The following AMD1 variants were observed in gnomAD, a reference collection of about 807,000 sequenced individuals.
The protein encoded by AMD1 is S-adenosylmethionine decarboxylase proenzyme.
Under a neutral mutation model 40.2 loss-of-function variants are expected in AMD1, and 11 were observed. The ratio of observed to expected loss-of-function variants is 0.27; its 90% CI spans 0.17 to 0.45. The LOEUF is 0.45. Ranked by LOEUF, AMD1 falls within the 20% of genes least tolerant of loss-of-function variation. AMD1 has a pLI of 1.00. For synonymous variants in AMD1, 121 were observed against 130.8 expected (o/e 0.93, Z 0.51); for missense variants, 257 against 410.2 (o/e 0.63, Z 3.23).
chr6:110,815,152 T>A, the AMD1 span: 1 of 1,573,244 alleles, frequency 6.4e-7, no homozygotes, highest in Non-Finnish European at 8.6e-7. Flanking sequence ...GCTTCCCCCA[T>A]AGAGGCACGG....
chr6:110,828,135 A>T, the AMD1 span, among the ~76,000 whole-genome samples: 60 of 152,182 alleles, frequency 3.9e-4, no homozygotes, highest in Admixed American at 1.2e-3. Context: ...GGATGATTTT[A>T]AAAAAGAGAG....
chr6:110,840,973 G>A, the AMD1 span, among the ~76,000 whole-genome samples: 1 of 152,256 alleles, frequency 6.6e-6, no homozygotes, highest in South Asian at 2.1e-4. Flanking sequence ...CTTTTATAAT[G>A]TTTCCTTTTA....
intron 1 of AMD1, among the ~76,000 whole-genome samples, chr6:110,884,317 A>G (rs1277895385): frequency 6.6e-6 from 1 of 152,254 alleles, no homozygotes; most frequent in Non-Finnish European, 1.5e-5. Context: ...GCCATCCTAA[A>G]TTAGTCAACA....
the AMD1 span, among the ~76,000 whole-genome samples, chr6:110,839,850 C>A: frequency 6.6e-6 from 1 of 151,954 alleles, no homozygotes; most frequent in Non-Finnish European, 1.5e-5. Flanking sequence ...ATCAAGGAGG[C>A]TATCAGGTTC....
chr6:110,830,304 G>A, the AMD1 span, among the ~76,000 whole-genome samples: 44 of 152,146 alleles, frequency 2.9e-4, no homozygotes, highest in African/African-American at 9.1e-4. Flanking sequence ...ATGAGCCACC[G>A]TGCCCGGCCA....
chr6:110,888,832 ATAT>A (rs1371321931), intron 2 of AMD1, 22 bp from the exon 3 acceptor site: 4 of 1,606,344 alleles, frequency 2.5e-6, no homozygotes, highest in Middle Eastern at 2.2e-4. Flanking sequence ...TATTGTTATA[ATAT>A]TGTGACTTTT....
At chr6:110,890,180 AT>A (rs1174514923) in intron 3 of AMD1, 73 bp from the exon 4 acceptor site, 25 of 1,147,036 alleles carry the variant, frequency 2.2e-5, no homozygotes, top group Non-Finnish European at 3.0e-5. Context: ...ACAATAGTTG[AT>A]TAGCTTCGAA....
the AMD1 span, among the ~76,000 whole-genome samples, chr6:110,833,101 G>A: frequency 2.6e-5 from 4 of 152,122 alleles, no homozygotes; most frequent in African/African-American, 7.2e-5. Flanking sequence ...GATTATAGGC[G>A]TGAGCCACCG....
chr6:110,816,542 A>G, the AMD1 span, among the ~76,000 whole-genome samples: 1 of 152,226 alleles, frequency 6.6e-6, no homozygotes. Flanking sequence ...TACTGCCTAA[A>G]ATAAAGAATA....
chr6:110,874,366 G>A (rs1472241141), upstream of AMD1, among the ~76,000 whole-genome samples: 1 of 152,152 alleles, frequency 6.6e-6, no homozygotes, highest in Non-Finnish European at 1.5e-5. Context: ...AACTGCACAA[G>A]ATCAAAACCA....
intron 2 of AMD1, chr6:110,888,390 C>G (rs925143865): frequency 6.5e-6 from 1 of 153,284 alleles, no homozygotes; most frequent in African/African-American, 2.4e-5. Context: ...CCTCTCACTG[C>G]AACCTCTGCC....
chr6:110,858,662 A>G, the AMD1 span: 1 of 1,141,132 alleles, frequency 8.8e-7, no homozygotes. Context: ...CGGGGTGGAC[A>G]TCGGCCTTAA....
chr6:110,876,665 C>T (rs1785131700), intron 1 of AMD1, among the ~76,000 whole-genome samples: 4 of 151,910 alleles, frequency 2.6e-5, no homozygotes, highest in South Asian at 2.1e-4. Context: ...GCGCTTACTA[C>T]GTGCCAGGCT....
At chr6:110,820,295 G>A in the AMD1 span, among the ~76,000 whole-genome samples, 1 of 150,578 alleles carries the variant, frequency 6.6e-6, no homozygotes, top group South Asian at 2.1e-4. Context: ...GGAGCGCAAT[G>A]GTGCGATCTT....
chr6:110,847,063 G>GTGTGTGGTGTGT, the AMD1 span, among the ~76,000 whole-genome samples: 4 of 143,282 alleles, frequency 2.8e-5, no homozygotes, highest in East Asian at 6.5e-4. Context: ...GTGTGTGTGT[G>GTGTGTGGTGTGT]GTGTGTGTGT....
At chr6:110,857,138 C>T in the AMD1 span, among the ~76,000 whole-genome samples, 2 of 151,980 alleles carry the variant, frequency 1.3e-5, no homozygotes, top group Admixed American at 6.6e-5. Context: ...GCACTTCAGC[C>T]TGGGCAACAA....
the AMD1 span, among the ~76,000 whole-genome samples, chr6:110,853,184 G>A: frequency 2.0e-5 from 3 of 151,634 alleles, no homozygotes; most frequent in African/African-American, 7.3e-5. Flanking sequence ...GCGCAGTGGT[G>A]TCATCTTGGC....
the AMD1 span, among the ~76,000 whole-genome samples, chr6:110,826,843 C>A: frequency 6.6e-6 from 1 of 151,988 alleles, no homozygotes; most frequent in African/African-American, 2.4e-5. Context: ...AGGTGCCCAC[C>A]ACCAGACCTG....
At chr6:110,818,497 A>G in the AMD1 span, among the ~76,000 whole-genome samples, 1 of 152,046 alleles carries the variant, frequency 6.6e-6, no homozygotes, top group African/African-American at 2.4e-5. Flanking sequence ...CTCAAGGGGA[A>G]AGTATCACCT....
Sources: allele counts gnomAD v4.1 joint callset (sites outside exome capture counted in the v4.1 genomes callset), GRCh38; gene constraint gnomAD v4.1.1; transcripts MANE v1.5; gene names NCBI Gene and HGNC (gene_info 2026-07-23, HGNC 2026-07-21).